Variants in MRTFB observed in about 807,000 individuals in gnomAD.
The protein encoded by MRTFB is myocardin related transcription factor B.
MRTFB carries 29 observed loss-of-function variants against 104.2 expected under a neutral mutation model. That is an observed-to-expected ratio of 0.28 (90% CI 0.21 to 0.38). The LOEUF is 0.38. Ranked by LOEUF, MRTFB falls within the 10% of genes least tolerant of loss-of-function variation. The pLI is 1.00. For synonymous variants in MRTFB, 535 were observed against 519.5 expected, an observed-to-expected ratio of 1.03 and a Z score of -0.41; for missense variants, 1,270 against 1,341.6, an observed-to-expected ratio of 0.95 and a Z score of 0.83.
chr16:14,152,393 A>G (rs1017659936), intron 3 of MRTFB: 1 of 152,090 alleles, frequency 6.6e-6, no homozygotes, highest in African/African-American at 2.4e-5. Context: ...TGAAACAGAA[A>G]CAGTTCGGTT....
chr16:14,050,807 C>CG, the MRTFB span, among the ~76,000 whole-genome samples: 1 of 151,986 alleles, frequency 6.6e-6, no homozygotes, highest in Non-Finnish European at 1.5e-5. Flanking sequence ...AGAATGGGGG[C>CG]GGGTCTCCCT....
chr16:14,012,154 C>T, the MRTFB span, among the ~76,000 whole-genome samples: 1 of 150,910 alleles, frequency 6.6e-6, no homozygotes, highest in African/African-American at 2.4e-5. Context: ...AGGGTGGCAG[C>T]GAGAACGTAC....
chr16:14,104,428 T>G (rs1043100654), intron 2 of MRTFB, among the ~76,000 whole-genome samples: 5 of 152,204 alleles, frequency 3.3e-5, no homozygotes, highest in African/African-American at 1.2e-4. Flanking sequence ...ACAAGGAAGC[T>G]TATCCAGTAG....
chr16:14,127,923 ATATATATTTT>A (rs2037222660), intron 2 of MRTFB, among the ~76,000 whole-genome samples: 1 of 39,186 alleles, frequency 2.6e-5, no homozygotes, highest in Non-Finnish European at 3.9e-5. Context: ...ATATATATAT[ATATATATTTT>A]TTTTTTTTTT....
At chr16:14,164,454 C>T (rs545335465) in intron 3 of MRTFB, among the ~76,000 whole-genome samples, 355 of 151,426 alleles carry the variant, frequency 2.3e-3, no homozygotes, top group Non-Finnish European at 3.6e-3. Flanking sequence ...CATGTGTGTG[C>T]GGGGGTGGGG....
In MRTFB at chr16:14,213,553, C is replaced by G; in HGVS notation, c.285C>G (p.Asn95Lys). 1 of 1,595,870 alleles carries G rather than the reference C, an allele frequency of 6.3e-7. No homozygotes were observed. Among genetic ancestry groups the G allele is most frequent in the Non-Finnish European group, 8.5e-7 (1 of 1,173,202 alleles). Residue 95 changes from asparagine to lysine, a missense_variant, in exon 6 of 17, where the codon AAC (asparagine) becomes AAG (lysine). By Grantham distance (94) the Asn-to-Lys change is moderately conservative (BLOSUM62 0). Around this residue, in one of 3 missense-constraint regions of MRTFB, gnomAD observed 64 missense variants for 152.9 expected, o/e 0.42. Coordinates refer to ENST00000571589, the MANE Select transcript of MRTFB (RefSeq NM_001308142.2). ...IKSLERARTENFLKHKIRSRP... is the reference protein window; with the variant it reads ...IKSLERARTEKFLKHKIRSRP... ...TTTTTTTCTTTTTAAAGACTGAAAA[C>G]TTTTTGAAACACAAGATTCGGAGTC...
At chr16:14,140,995 C>G (rs1436985345) in intron 3 of MRTFB, 1 of 442,538 alleles carries the variant, frequency 2.3e-6, no homozygotes, top group Non-Finnish European at 4.1e-6. Flanking sequence ...TGGAAATAAT[C>G]TTTAGATTCA....
intron 3 of MRTFB, among the ~76,000 whole-genome samples, chr16:14,156,761 A>G (rs1272142217): frequency 1.3e-5 from 2 of 152,212 alleles, no homozygotes; most frequent in African/African-American, 2.4e-5. Flanking sequence ...TTTCCTCAGT[A>G]TTTGAATTTG....
chr16:14,204,733 A>G (rs774288907), intron 3 of MRTFB, among the ~76,000 whole-genome samples: 1 of 152,198 alleles, frequency 6.6e-6, no homozygotes, highest in Non-Finnish European at 1.5e-5. Flanking sequence ...TTTTCTTTAA[A>G]TGAAATAGCC....
the MRTFB span, chr16:14,013,459 C>T: frequency 1.3e-5 from 2 of 152,190 alleles, no homozygotes; most frequent in African/African-American, 4.8e-5. Context: ...AGGTTGCGGC[C>T]TTGCAAGGAA....
the MRTFB span, among the ~76,000 whole-genome samples, chr16:14,018,216 G>C: frequency 6.6e-6 from 1 of 152,138 alleles, no homozygotes; most frequent in Non-Finnish European, 1.5e-5. Flanking sequence ...GAACTGCACT[G>C]CTTGTTGTAA....
At chr16:14,107,955 T>A (rs556238087) in intron 2 of MRTFB, among the ~76,000 whole-genome samples, 1 of 152,302 alleles carries the variant, frequency 6.6e-6, no homozygotes, top group South Asian at 2.1e-4. Flanking sequence ...ACCTGAACTT[T>A]CGTTTCAGAT....
At chr16:14,049,825 C>G in the MRTFB span, among the ~76,000 whole-genome samples, 2 of 152,184 alleles carry the variant, frequency 1.3e-5, no homozygotes, top group Non-Finnish European at 2.9e-5. Flanking sequence ...CTCTACCTCC[C>G]CAGTTCAAGT....
At chr16:14,086,447 T>C (rs1262025961) in intron 2 of MRTFB, among the ~76,000 whole-genome samples, 1 of 152,222 alleles carries the variant, frequency 6.6e-6, no homozygotes, top group East Asian at 1.9e-4. Context: ...ATTTGCACTT[T>C]AGTTTGCTTA....
intron 2 of MRTFB, among the ~76,000 whole-genome samples, chr16:14,108,278 A>G (rs563380156): frequency 1.2e-3 from 188 of 152,336 alleles, no homozygotes; most frequent in African/African-American, 4.3e-3. Context: ...CTTAGACAGA[A>G]CAAGTATATA....
At chr16:14,243,907 T>A (rs907786659) in intron 10 of MRTFB, among the ~76,000 whole-genome samples, 2 of 144,066 alleles carry the variant, frequency 1.4e-5, no homozygotes, top group Non-Finnish European at 3.0e-5. Flanking sequence ...TCGCCCAGGC[T>A]GGAGTGCAGT....
chr16:14,193,700 G>A (rs2040301391), intron 3 of MRTFB: 1 of 152,172 alleles, frequency 6.6e-6, no homozygotes. Context: ...TTCACAGGAG[G>A]ATGTTTATTT....
intron 3 of MRTFB, among the ~76,000 whole-genome samples, chr16:14,186,353 G>A (rs143898973): frequency 1.3e-5 from 2 of 152,296 alleles, no homozygotes; most frequent in African/African-American, 4.8e-5. Context: ...CTAGACTGCC[G>A]TTTGTGTAGC....
chr16:14,149,149 GA>G (rs1555490536), intron 3 of MRTFB: 1 of 152,200 alleles, frequency 6.6e-6, no homozygotes, highest in Non-Finnish European at 1.5e-5. Flanking sequence ...TATGCGTTAA[GA>G]TTTTTATAAT....
Sources: allele counts gnomAD v4.1 joint callset (sites outside exome capture counted in the v4.1 genomes callset), GRCh38; gene constraint gnomAD v4.1.1; regional missense constraint gnomAD v4.1.1; transcripts MANE v1.5; gene names NCBI Gene and HGNC (gene_info 2026-07-23, HGNC 2026-07-21).